Variants in CSMD1 observed in about 807,000 individuals in gnomAD.
The protein encoded by CSMD1 is CUB and sushi domain-containing protein 1.
A neutral mutation model predicts 417.5 loss-of-function variants in CSMD1; 213 were observed. That is an observed-to-expected ratio of 0.51 (90% CI 0.46 to 0.57). The LOEUF is 0.57. Among genes scored for constraint, CSMD1 ranks in the 20% least tolerant of loss-of-function variants. CSMD1 has a pLI of 0.00. For synonymous variants in CSMD1, 2,862 were observed against 1,736.8 expected, an observed-to-expected ratio of 1.65 and a Z score of -16.11; for missense variants, 6,923 against 4,529.7, an observed-to-expected ratio of 1.53 and a Z score of -15.17.
chr8:4,515,101 A>G (rs549335522), intron 2 of CSMD1, among the ~76,000 whole-genome samples: 1 of 152,318 alleles, frequency 6.6e-6, no homozygotes, highest in Admixed American at 6.5e-5. Flanking sequence ...TGTACGATTT[A>G]CAGCAGCTCC....
At chr8:3,953,815 G>C (rs376222715) in intron 5 of CSMD1, among the ~76,000 whole-genome samples, 2 of 152,096 alleles carry the variant, frequency 1.3e-5, no homozygotes, top group Non-Finnish European at 2.9e-5. Context: ...AGCCATGAGA[G>C]GTCTCATTTT....
At chr8:4,824,447 A>C (rs899461152) in intron 1 of CSMD1, among the ~76,000 whole-genome samples, 3 of 152,128 alleles carry the variant, frequency 2.0e-5, no homozygotes, top group African/African-American at 4.8e-5. Flanking sequence ...AAAATTGTAT[A>C]ATTAAAGAAG....
intron 52 of CSMD1, among the ~76,000 whole-genome samples, chr8:3,005,973 A>C (rs1807857606): frequency 6.6e-6 from 1 of 152,174 alleles, no homozygotes; most frequent in Non-Finnish European, 1.5e-5. Context: ...GAAAAGAGGA[A>C]GTCAAATTGC....
At chr8:3,963,272 G>T (rs983468491) in intron 5 of CSMD1, among the ~76,000 whole-genome samples, 1 of 152,144 alleles carries the variant, frequency 6.6e-6, no homozygotes, top group South Asian at 2.1e-4. Flanking sequence ...TTACGAGTTT[G>T]AGGAATGCAT....
chr8:4,213,336 G>C (rs550142974), intron 3 of CSMD1, among the ~76,000 whole-genome samples: 24 of 152,044 alleles, frequency 1.6e-4, no homozygotes, highest in Admixed American at 1.2e-3. Context: ...GCAATTCAGA[G>C]AGTTTCTCAA....
intron 26 of CSMD1, among the ~76,000 whole-genome samples, chr8:3,283,333 G>T (rs763696609): frequency 6.6e-6 from 1 of 152,114 alleles, no homozygotes; most frequent in South Asian, 2.1e-4. Flanking sequence ...TCGGGGCTGG[G>T]TTAGGGGAGC....
At chr8:3,508,878 G>A (rs916967945) in intron 10 of CSMD1, among the ~76,000 whole-genome samples, 2 of 152,152 alleles carry the variant, frequency 1.3e-5, no homozygotes. Flanking sequence ...TGACCAGTTA[G>A]AGCCATGAGA....
chr8:3,763,963 G>A (rs780853160), intron 5 of CSMD1, among the ~76,000 whole-genome samples: 30 of 152,018 alleles, frequency 2.0e-4, no homozygotes, highest in African/African-American at 2.9e-4. Flanking sequence ...CCCTAGAAAC[G>A]TCCTCAATTC....
At chr8:3,380,743 G>C (rs1271500382) in intron 18 of CSMD1, among the ~76,000 whole-genome samples, 3 of 152,126 alleles carry the variant, frequency 2.0e-5, no homozygotes, top group African/African-American at 4.8e-5. Flanking sequence ...CCTGTTCGGA[G>C]AATGCAGGGC....
intron 1 of CSMD1, among the ~76,000 whole-genome samples, chr8:4,750,154 C>T (rs550194197): frequency 8.5e-5 from 13 of 152,142 alleles, no homozygotes; most frequent in South Asian, 8.3e-4. Flanking sequence ...TACAGGCGCC[C>T]GCCACCACGC....
intron 5 of CSMD1, among the ~76,000 whole-genome samples, chr8:3,805,006 G>A (rs910731262): frequency 1.3e-5 from 2 of 152,108 alleles, no homozygotes; most frequent in African/African-American, 4.8e-5. Context: ...ACTTCTTCTG[G>A]TCTTGAAGAG....
intron 52 of CSMD1, among the ~76,000 whole-genome samples, chr8:3,016,095 G>A (rs980801828): frequency 3.3e-5 from 5 of 152,148 alleles, no homozygotes; most frequent in Admixed American, 2.0e-4. Context: ...TCTGCAGGTC[G>A]AAGGAATAAG....
chr8:3,865,506 T>C (rs1305738779), intron 5 of CSMD1, among the ~76,000 whole-genome samples: 3 of 150,286 alleles, frequency 2.0e-5, no homozygotes, highest in South Asian at 2.1e-4. Flanking sequence ...AGGGTGACAA[T>C]AGTGGGGGAA....
intron 1 of CSMD1, among the ~76,000 whole-genome samples, chr8:4,945,326 G>T (rs1291996933): frequency 6.6e-6 from 1 of 152,076 alleles, no homozygotes. Context: ...TGGATGATGT[G>T]GTTGATTGCA....
At chr8:4,576,200 A>T (rs1404022574) in intron 2 of CSMD1, among the ~76,000 whole-genome samples, 1 of 152,204 alleles carries the variant, frequency 6.6e-6, no homozygotes, top group Non-Finnish European at 1.5e-5. Context: ...TCTGTAGGCT[A>T]CACTACTCCA....
intron 5 of CSMD1, among the ~76,000 whole-genome samples, chr8:3,984,532 G>C (rs73180022): frequency 0.055 from 8,300 of 151,448 alleles, 319 homozygotes; most frequent in Middle Eastern, 0.13. Context: ...ACACTATTTT[G>C]ATTTTTCGTC....
intron 3 of CSMD1, among the ~76,000 whole-genome samples, chr8:4,236,171 G>GA (rs1802047153): frequency 6.6e-6 from 1 of 151,466 alleles, no homozygotes; most frequent in Non-Finnish European, 1.5e-5. Flanking sequence ...ATCAGGAACT[G>GA]AAATGCCACG....
intron 49 of CSMD1, among the ~76,000 whole-genome samples, chr8:3,057,038 A>C (rs1812277641): frequency 6.6e-6 from 1 of 152,144 alleles, no homozygotes; most frequent in Non-Finnish European, 1.5e-5. Flanking sequence ...TTAGAGACAG[A>C]TAATGGAGAA....
chr8:4,393,306 A>AAATAAAAGG (rs1214891907), intron 3 of CSMD1, among the ~76,000 whole-genome samples: 1 of 152,186 alleles, frequency 6.6e-6, no homozygotes, highest in African/African-American at 2.4e-5. Flanking sequence ...GGTGCTTTAG[A>AAATAAAAGG]AATAAAAGGA....
Sources: allele counts gnomAD v4.1 joint callset (sites outside exome capture counted in the v4.1 genomes callset), GRCh38; gene constraint gnomAD v4.1.1; transcripts MANE v1.5; gene names NCBI Gene and HGNC (gene_info 2026-07-23, HGNC 2026-07-21).